PKHD1: variants seen among roughly 807,000 people sequenced by gnomAD.
PKHD1 encodes PKHD1 ciliary IPT domain containing fibrocystin/polyductin, also known as fibrocystin.
Under a neutral mutation model 412.0 loss-of-function variants are expected in PKHD1, and 291 were observed. That is an observed-to-expected ratio of 0.71 (90% CI 0.64 to 0.78). PKHD1 has a LOEUF of 0.78. Ranked by LOEUF, PKHD1 falls within the 30% of genes least tolerant of loss-of-function variation. The pLI is 0.00. For missense variants in PKHD1, 4,825 were observed against 4,950.7 expected (o/e 0.97, Z 0.76); for synonymous variants, 1,777 against 1,821.5 (o/e 0.98, Z 0.62).
rs768242264 is a variant in PKHD1, at chr6:51,909,343, C to A, written c.6622G>T (p.Val2208Phe). 5 of 1,613,598 alleles carry A rather than the reference C, an allele frequency of 3.1e-6. No individual in the cohort carries two copies. Among genetic ancestry groups the A allele is most frequent in the Non-Finnish European group, 4.2e-6 (5 of 1,179,664 alleles). ...TGCTTATGGAAGGCTTGCCCCAAGA[C>A]TTGAAACTGCACTCCCTTCAACTGG... ...QVQLKGVQFQVLGQAFHKHLS... is the reference protein window; with the variant it reads ...QVQLKGVQFQFLGQAFHKHLS... Residue 2208 changes from valine (V) to phenylalanine (F), a missense_variant, in exon 40 of 67, where the codon GTC (valine) becomes TTC (phenylalanine). Val to Phe is a conservative substitution (Grantham distance 50, BLOSUM62 -1). Transcript: ENST00000371117.
chr6:51,974,439 T>C (rs1404408419), intron 35 of PKHD1, among the ~76,000 whole-genome samples: 2 of 152,162 alleles, frequency 1.3e-5, no homozygotes, highest in Admixed American at 6.5e-5. Flanking sequence ...TTAATGACAA[T>C]GTAATAGGCA....
At chr6:51,870,326 C>A (rs185709652) in intron 47 of PKHD1, among the ~76,000 whole-genome samples, 178 bp downstream of exon 47, 90 of 152,258 alleles carry the variant, frequency 5.9e-4, no homozygotes, top group African/African-American at 2.1e-3. Context: ...CAGGGAGCTG[C>A]AGAAGCTGTA....
intron 60 of PKHD1, among the ~76,000 whole-genome samples, chr6:51,736,364 G>T (rs1287114498): frequency 6.6e-6 from 1 of 152,154 alleles, no homozygotes; most frequent in Non-Finnish European, 1.5e-5. Context: ...TTCACTGCCT[G>T]GAGACCAGGC....
At chr6:51,859,274 C>T (rs1773795397) in intron 48 of PKHD1, among the ~76,000 whole-genome samples, 1 of 152,094 alleles carries the variant, frequency 6.6e-6, no homozygotes, top group Middle Eastern at 3.4e-3. Context: ...TGCCTGTAAT[C>T]CCAGCACTTT....
intron 24 of PKHD1, 124 bp downstream of exon 24, chr6:52,045,880 A>T: frequency 1.4e-6 from 1 of 734,466 alleles, no homozygotes; most frequent in Non-Finnish European, 2.4e-6. Flanking sequence ...GAATCCCTTT[A>T]CTCAAATATT....
At chr6:52,079,397 A>T (rs2128239791) in intron 5 of PKHD1, among the ~76,000 whole-genome samples, 1 of 152,282 alleles carries the variant, frequency 6.6e-6, no homozygotes, top group Admixed American at 6.5e-5. Context: ...AGAGGTAGAA[A>T]TTGGGTCTCC....
chr6:51,618,181 A>C lies in PKHD1; in HGVS notation c.*900T>G, dbSNP rs1245005675. ...AGCCTAGAGCAGTTGCATATGACATAATCTCTCCTCTCCTTAGTATCACAG... is the reference window on the plus strand; with the variant it reads ...AGCCTAGAGCAGTTGCATATGACATCATCTCTCCTCTCCTTAGTATCACAG... On this transcript the variant is annotated 3_prime_UTR_variant, in exon 67 of 67. Coordinates refer to ENST00000371117, the MANE Select transcript of PKHD1 (RefSeq NM_138694.4). The C allele has an allele frequency of 1.3e-5, 2 of 152,062 alleles. No individual in the cohort carries two copies. The highest frequency in any genetic ancestry group is 1.3e-4 in the Admixed American group (2 of 15,246). 9.4% of individuals were successfully genotyped at this position (152,062 alleles called of 1,614,324 possible). A position where few individuals can be genotyped will look rare whatever the true frequency, so the allele number is the denominator to read the frequency against.
intron 37 of PKHD1, among the ~76,000 whole-genome samples, chr6:51,921,142 A>T (rs888017099): frequency 6.6e-6 from 1 of 151,998 alleles, no homozygotes; most frequent in Non-Finnish European, 1.5e-5. Context: ...CTCTGATCTT[A>T]GTGATTTCTT....
At chr6:51,920,982 T>A (rs1023111915) in intron 37 of PKHD1, among the ~76,000 whole-genome samples, 1 of 152,222 alleles carries the variant, frequency 6.6e-6, no homozygotes, top group Non-Finnish European at 1.5e-5. Context: ...CCTTTATCAT[T>A]TTTTATTGTG....
At chr6:51,782,340 A>G (rs1792167179) in intron 53 of PKHD1, among the ~76,000 whole-genome samples, 1 of 152,156 alleles carries the variant, frequency 6.6e-6, no homozygotes, top group Non-Finnish European at 1.5e-5. Flanking sequence ...CCATCAGAAA[A>G]TAAACAGATC....
intron 52 of PKHD1, among the ~76,000 whole-genome samples, chr6:51,796,079 A>G (rs2151292942): frequency 6.6e-6 from 1 of 152,326 alleles, no homozygotes; most frequent in South Asian, 2.1e-4. Context: ...TTCAGTAGGA[A>G]TAGTACCAGC....
chr6:51,963,298 G>C (rs1469979157), intron 35 of PKHD1, among the ~76,000 whole-genome samples: 1 of 151,962 alleles, frequency 6.6e-6, no homozygotes, highest in Non-Finnish European at 1.5e-5. Context: ...AGTTTCTCTA[G>C]TCAATGTGGC....
chr6:52,036,422 G>A (rs905755004), intron 27 of PKHD1, among the ~76,000 whole-genome samples: 3 of 152,216 alleles, frequency 2.0e-5, no homozygotes, highest in African/African-American at 7.2e-5. Flanking sequence ...TGCTATCATG[G>A]CACACGTTTC....
At chr6:51,888,594 T>C (rs1778584829) in intron 43 of PKHD1, among the ~76,000 whole-genome samples, 1 of 152,012 alleles carries the variant, frequency 6.6e-6, no homozygotes, top group African/African-American at 2.4e-5. Context: ...CAGGTGAAGA[T>C]AAGAAGGGCC....
intron 60 of PKHD1, among the ~76,000 whole-genome samples, chr6:51,703,296 C>T (rs866841441): frequency 1.3e-4 from 20 of 151,974 alleles, no homozygotes; most frequent in Middle Eastern, 3.4e-3. Context: ...ATATTAATAG[C>T]TTTATAGTGG....
intron 52 of PKHD1, among the ~76,000 whole-genome samples, chr6:51,820,150 C>G (rs1766135924): frequency 6.6e-6 from 1 of 151,628 alleles, no homozygotes; most frequent in South Asian, 2.1e-4. Context: ...CAAAAATGAC[C>G]TTTCCATATG....
intron 50 of PKHD1, among the ~76,000 whole-genome samples, 190 bp downstream of exon 50, chr6:51,847,585 C>T (rs1169941963): frequency 6.6e-6 from 1 of 152,172 alleles, no homozygotes; most frequent in Non-Finnish European, 1.5e-5. Context: ...TCTGTGTATG[C>T]TAGCTGGTGA....
At chr6:51,804,320 C>T (rs1034584631) in intron 52 of PKHD1, among the ~76,000 whole-genome samples, 1 of 123,052 alleles carries the variant, frequency 8.1e-6, no homozygotes, top group Non-Finnish European at 1.6e-5. Flanking sequence ...CTAGGCTCAA[C>T]TCACTTATAC....
At chr6:51,966,866 G>C (rs999804508) in intron 35 of PKHD1, among the ~76,000 whole-genome samples, 11 of 151,976 alleles carry the variant, frequency 7.2e-5, no homozygotes, top group African/African-American at 2.7e-4. Flanking sequence ...ATTTGATATG[G>C]AGTGATCAGA....
Sources: allele counts gnomAD v4.1 joint callset (sites outside exome capture counted in the v4.1 genomes callset), GRCh38; gene constraint gnomAD v4.1.1; transcripts MANE v1.5; gene names NCBI Gene and HGNC (gene_info 2026-07-23, HGNC 2026-07-21).